Variants in MBTD1 observed in about 807,000 individuals in gnomAD.
MBTD1 encodes mbt domain containing 1.
A neutral mutation model predicts 87.8 loss-of-function variants in MBTD1; 24 were observed. That is an observed-to-expected ratio of 0.27 (90% CI 0.20 to 0.38). The LOEUF (loss-of-function observed/expected upper bound fraction) is 0.38. MBTD1 is among the 10% of genes least tolerant of loss of function. MBTD1 has a pLI of 1.00. For synonymous variants in MBTD1, 237 were observed against 248.6 expected (o/e 0.95, Z 0.44); for missense variants, 436 against 760.2 (o/e 0.57, Z 5.02).
In MBTD1 at chr17:51,220,472, C is replaced by A; in HGVS notation, c.155-9G>T. ...ACACATCTCACAGGTAGCTAATTAACAAAATAAAAACACTGGTGTTATGAT... is the reference window on the plus strand; with the variant it reads ...ACACATCTCACAGGTAGCTAATTAAAAAAATAAAAACACTGGTGTTATGAT... On this transcript the variant is annotated splice_polypyrimidine_tract_variant and intron_variant, in intron 3 of 16. Transcript: ENST00000586178. 1.3e-6 allele frequency: 2 copies of A among 1,531,820 alleles called. No individual in the cohort carries two copies. Among genetic ancestry groups the A allele is most frequent in the South Asian group, 1.2e-5 (1 of 81,618 alleles). The allele number at this position is 1,531,820 out of a possible 1,614,324, so 94.9% of individuals were successfully genotyped here.
Position 51,192,804 on chromosome 17 carries a change from T to A in MBTD1, c.1668A>T (p.Gln556His), listed in dbSNP as rs766093480. The A allele has an allele frequency of 6.2e-7, 1 of 1,614,074 alleles. No homozygotes were observed. Among genetic ancestry groups the A allele is most frequent in the African/African-American group, 1.3e-5 (1 of 74,934 alleles). ...PVGWCQLTGY[Q>H]LQPPASQSSR... is the part of the protein sequence containing the mutation. The stretch of plus-strand genomic sequence containing the variant: ...TACACTGTGATGCTGGAGGCTGTAG[T>A]TGATATCCAGTTAACTGACACCACC... Residue 556 changes from glutamine (Q) to histidine (H), a missense_variant, in exon 15 of 17, where the codon CAA becomes CAT. Gln to His is a conservative substitution (Grantham distance 24). This residue lies in a region of MBTD1 where 80 missense variants were observed against 182.2 expected (regional missense o/e 0.44). Transcript: ENST00000586178.
At chr17:51,181,173 C>T (rs963702826) in intron 16 of MBTD1, among the ~76,000 whole-genome samples, 7 of 151,930 alleles carry the variant, frequency 4.6e-5, no homozygotes, top group African/African-American at 1.7e-4. Context: ...ACTACAGGCA[C>T]CCACCACCAC....
At chr17:51,194,566 CAAAA>C (rs71355733) in intron 13 of MBTD1, among the ~76,000 whole-genome samples, 48 of 19,732 alleles carry the variant, frequency 2.4e-3, no homozygotes, top group African/African-American at 0.012. Flanking sequence ...GAGACTGTCT[CAAAA>C]AAAAAAAAAA....
chr17:51,212,325 T>C (rs1024846741), intron 6 of MBTD1, among the ~76,000 whole-genome samples: 1 of 147,762 alleles, frequency 6.8e-6, no homozygotes, highest in African/African-American at 2.5e-5. Context: ...ACCACTGCAC[T>C]CCAGCCTGAC....
At chr17:51,254,355 G>T (rs974592484) in intron 2 of MBTD1, among the ~76,000 whole-genome samples, 1 of 152,136 alleles carries the variant, frequency 6.6e-6, no homozygotes, top group Non-Finnish European at 1.5e-5. Flanking sequence ...GAACATAAAT[G>T]GTAAGGATTT....
intron 16 of MBTD1, among the ~76,000 whole-genome samples, chr17:51,190,934 T>A (rs2050777978): frequency 6.6e-6 from 1 of 151,070 alleles, no homozygotes; most frequent in African/African-American, 2.4e-5. Context: ...ATACAAAACT[T>A]AGCTGGGTGT....
Position 51,183,717 on chromosome 17 carries a change from T to C in MBTD1, c.1769-3023A>G, listed in dbSNP as rs535712770. On this transcript the variant is annotated intron_variant, in intron 16 of 16. Transcript: ENST00000586178. ...TAAATAAAAATGCTTTTATGAGGAA[T>C]GATATCAAATGCATGACAGTTATCC... 6 of 152,348 alleles carry C rather than the reference T, an allele frequency of 3.9e-5. No homozygotes were observed. In the East Asian group the frequency reaches 1.2e-3, roughly 29 times the overall value. The allele number at this position is 152,348 out of a possible 1,614,324, so 9.4% of individuals were successfully genotyped here. A position where few individuals can be genotyped will look rare whatever the true frequency, so the allele number is the denominator to read the frequency against.
At chr17:51,224,800 TTTG>T (rs1266980064) in intron 3 of MBTD1, among the ~76,000 whole-genome samples, 1 of 152,236 alleles carries the variant, frequency 6.6e-6, no homozygotes, top group Non-Finnish European at 1.5e-5. Context: ...CTGGCCTTTT[TTTG>T]TTGTTGTTGT....
In MBTD1 at chr17:51,179,488, A is replaced by ATATATATATATTTT. The variant is rs1214505597; in HGVS notation, c.*1087_*1088insAAAATATATATATA. The ATATATATATATTTT allele has an allele frequency of 4.0e-3, 73 of 18,460 alleles. 5 individuals carry two copies. Among genetic ancestry groups the ATATATATATATTTT allele is most frequent in the East Asian group, 9.6e-3 (5 of 520 alleles). 1.1% of individuals were successfully genotyped at this position (18,460 alleles called of 1,614,324 possible). ...TGAATACAATTAAAGACAATTTTAT[A>ATATATATATATTTT]TATATATATATATATATATATATAT... is the stretch of plus-strand genomic sequence containing the variant. On this transcript the variant is annotated 3_prime_UTR_variant, in exon 17 of 17. Transcript: ENST00000586178.
upstream of MBTD1, chr17:51,260,775 C>T (rs1276189685): frequency 1.3e-6 from 2 of 1,578,864 alleles, no homozygotes; most frequent in Non-Finnish European, 1.7e-6. Context: ...ATTGCAGTCG[C>T]GGCGGCGGAG....
intron 2 of MBTD1, among the ~76,000 whole-genome samples, chr17:51,246,865 C>T (rs1598428487): frequency 6.6e-6 from 1 of 152,180 alleles, no homozygotes; most frequent in East Asian, 1.9e-4. Flanking sequence ...GTCTTGAACT[C>T]CTGACCTCAG....
intron 12 of MBTD1, among the ~76,000 whole-genome samples, chr17:51,200,902 T>C (rs1375284898): frequency 1.3e-5 from 2 of 151,470 alleles, no homozygotes; most frequent in African/African-American, 4.9e-5. Context: ...GGCTCATGCC[T>C]ATAATCCTAG....
chr17:51,191,359 T>TCAAGCAATTCTCCTGCCTC (rs1159385058), intron 16 of MBTD1, among the ~76,000 whole-genome samples: 1 of 151,510 alleles, frequency 6.6e-6, no homozygotes, highest in Non-Finnish European at 1.5e-5. Flanking sequence ...CCTCCTGGGT[T>TCAAGCAATTCTCCTGCCTC]CAAGCAATTC....
At chr17:51,220,642 A>G (rs2052832602) in intron 3 of MBTD1, among the ~76,000 whole-genome samples, 179 bp from the exon 4 acceptor site, 1 of 152,244 alleles carries the variant, frequency 6.6e-6, no homozygotes, top group Non-Finnish European at 1.5e-5. Context: ...CAGAGAGAAC[A>G]CTGGTATTGT....
chr17:51,208,025 G>C (rs2051950202), intron 6 of MBTD1, among the ~76,000 whole-genome samples: 1 of 152,160 alleles, frequency 6.6e-6, no homozygotes, highest in South Asian at 2.1e-4. Context: ...GCTCAAAGAT[G>C]AGCAAAGATA....
chr17:51,227,611 G>GA lies in MBTD1; in HGVS notation c.-48-2403dup, dbSNP rs1010177342. Among the ~76,000 whole-genome samples the GA allele has an allele frequency of 5.1e-3, 753 of 148,802 alleles. 9 individuals are homozygous for GA. The highest frequency in any genetic ancestry group is 0.016 in the African/African-American group (657 of 40,566). On this transcript the variant is annotated intron_variant, in intron 2 of 16. Coordinates refer to ENST00000586178, the MANE Select transcript of MBTD1 (RefSeq NM_017643.3). ...CTTGATACTTTATCATGTTGGAAAA[G>GA]AAAAAAAAAATCACTGCTAAAAGCT...
chr17:51,251,646 T>C (rs942032244), intron 2 of MBTD1: 3 of 152,344 alleles, frequency 2.0e-5, no homozygotes, highest in Non-Finnish European at 1.5e-5. Context: ...TAAGGAGCAG[T>C]TGGAATTTGG....
intron 2 of MBTD1, among the ~76,000 whole-genome samples, chr17:51,231,854 T>TA (rs765045908): frequency 2.0e-5 from 3 of 152,214 alleles, no homozygotes; most frequent in Non-Finnish European, 4.4e-5. Flanking sequence ...TACAGTGACT[T>TA]ATCTAAGTTT....
At chr17:51,254,774 G>A (rs1030594628) in intron 2 of MBTD1, among the ~76,000 whole-genome samples, 5 of 152,128 alleles carry the variant, frequency 3.3e-5, no homozygotes, top group South Asian at 4.1e-4. Flanking sequence ...CAGTTCTTCC[G>A]AAGAAAGCTA....
Sources: allele counts gnomAD v4.1 joint callset (sites outside exome capture counted in the v4.1 genomes callset), GRCh38; gene constraint gnomAD v4.1.1; regional missense constraint gnomAD v4.1.1; transcripts MANE v1.5; gene names NCBI Gene and HGNC (gene_info 2026-07-23, HGNC 2026-07-21).